SSUH2: variants seen among roughly 807,000 people sequenced by gnomAD.
The protein encoded by SSUH2 is ssu-2 homolog, also known as protein SSUH2 homolog.
SSUH2 carries 47 observed loss-of-function variants against 55.3 expected under a neutral mutation model. The ratio of observed to expected loss-of-function variants is 0.85; its 90% CI spans 0.67 to 1.08. SSUH2 has a LOEUF of 1.08. SSUH2 is among the 50% of genes least tolerant of loss of function. SSUH2 has a pLI of 0.00. For missense variants in SSUH2, 535 were observed against 490.7 expected, an observed-to-expected ratio of 1.09 and a Z score of -0.85; for synonymous variants, 212 against 191.5, an observed-to-expected ratio of 1.11 and a Z score of -0.89.
chr3:8,645,725 CA>C (rs1261055996), upstream of SSUH2, among the ~76,000 whole-genome samples: 1 of 152,140 alleles, frequency 6.6e-6, no homozygotes, highest in Middle Eastern at 3.2e-3. Flanking sequence ...TTGCCTTCAC[CA>C]GGGGAAGCAT....
chr3:8,622,593 C>T (rs889591331), intron 11 of SSUH2, among the ~76,000 whole-genome samples: 2 of 152,196 alleles, frequency 1.3e-5, no homozygotes, highest in Non-Finnish European at 2.9e-5. Flanking sequence ...TACTGCCTGG[C>T]CCTGGTAGGC....
chr3:8,650,758 T>C (rs1267027908), intron 7 of SSUH2, among the ~76,000 whole-genome samples: 1 of 152,192 alleles, frequency 6.6e-6, no homozygotes, highest in Non-Finnish European at 1.5e-5. Context: ...GTTGGAAAAC[T>C]GACCAGTGAC....
At chr3:8,629,748 G>GTTTCTAGTTTCTAGTTTCTT (rs1280693088) in intron 6 of SSUH2, 22 bp from the exon 7 acceptor site, 5 of 1,613,508 alleles carry the variant, frequency 3.1e-6, no homozygotes, top group Non-Finnish European at 4.2e-6. Flanking sequence ...ACGCTTTCTT[G>GTTTCTAGTTTCTAGTTTCTT]GGATCTAGTT....
intron 6 of SSUH2, among the ~76,000 whole-genome samples, chr3:8,661,513 A>T (rs1703485106): frequency 6.6e-6 from 1 of 152,166 alleles, no homozygotes; most frequent in Non-Finnish European, 1.5e-5. Flanking sequence ...AGGCAATGAG[A>T]TTTTACCCTA....
At chr3:8,669,216 C>T (rs1293260384) in intron 5 of SSUH2, among the ~76,000 whole-genome samples, 3 of 152,200 alleles carry the variant, frequency 2.0e-5, no homozygotes, top group African/African-American at 7.2e-5. Context: ...TAAAAGGACA[C>T]AGGAGCCAAC....
chr3:8,653,512 G>T (rs1026663203), intron 7 of SSUH2, among the ~76,000 whole-genome samples: 8 of 152,156 alleles, frequency 5.3e-5, no homozygotes, highest in African/African-American at 1.9e-4. Context: ...ATACAATATG[G>T]ATATCTTTCT....
At chr3:8,679,040 A>T (rs1387571596) in intron 2 of SSUH2, among the ~76,000 whole-genome samples, 1 of 61,556 alleles carries the variant, frequency 1.6e-5, no homozygotes, top group African/African-American at 5.5e-5. Context: ...CTCTTAGGAC[A>T]CCAAACGCAG....
At chr3:8,671,080 G>C in exon 5 of SSUH2, 1 of 313,702 alleles carries the variant, frequency 3.2e-6, no homozygotes, top group Non-Finnish European at 7.2e-6. Flanking sequence ...GAAATGACTA[G>C]TGAAGTCCCG....
chr3:8,629,732 A>C lies in SSUH2; in HGVS notation c.526-6T>G, dbSNP rs766017752. 1.1e-5 allele frequency: 18 copies of C among 1,614,060 alleles called. No homozygotes were observed. The Admixed American group carries it at 3.0e-4, about 27-fold the overall frequency. On this transcript the variant is annotated splice_polypyrimidine_tract_variant and splice_region_variant and intron_variant, in intron 6 of 11. Coordinates refer to ENST00000544814, the MANE Select transcript of SSUH2 (RefSeq NM_001256748.3). ...CCATGGCATTTGTGGCATTCCTGAA[A>C]GTGCAACGCTTTCTTGGGATCTAGT...
At chr3:8,650,139 C>T (rs919061644) in intron 7 of SSUH2, among the ~76,000 whole-genome samples, 28 of 152,192 alleles carry the variant, frequency 1.8e-4, no homozygotes, top group Non-Finnish European at 2.8e-4. Flanking sequence ...AAATGTCACT[C>T]TCCCAGGGAG....
At chr3:8,629,594 G>T in intron 7 of SSUH2, 70 bp downstream of exon 7, 1 of 1,043,602 alleles carries the variant, frequency 9.6e-7, no homozygotes, top group Non-Finnish European at 1.4e-6. Flanking sequence ...CACCAGCCCA[G>T]CCCGCTGTCC....
At chr3:8,654,473 T>C (rs1242940954) in intron 7 of SSUH2, among the ~76,000 whole-genome samples, 1 of 152,218 alleles carries the variant, frequency 6.6e-6, no homozygotes, top group Non-Finnish European at 1.5e-5. Context: ...CATTCTCCTC[T>C]CAATAGACAC....
chr3:8,631,908 T>A (rs574062805), intron 5 of SSUH2, 141 bp downstream of exon 5: 1 of 645,434 alleles, frequency 1.5e-6, no homozygotes, highest in South Asian at 1.9e-5. Context: ...ATCCTCTCAT[T>A]TTGCAGGGGG....
At chr3:8,681,711 G>T (rs746364289) in intron 1 of SSUH2, among the ~76,000 whole-genome samples, 1 of 148,622 alleles carries the variant, frequency 6.7e-6, no homozygotes, top group Non-Finnish European at 1.5e-5. Flanking sequence ...CCATCGCAGC[G>T]GGGGGAGGCA....
At chr3:8,647,621 T>C (rs1701869888), upstream of SSUH2, among the ~76,000 whole-genome samples, 1 of 152,172 alleles carries the variant, frequency 6.6e-6, no homozygotes, top group South Asian at 2.1e-4. Flanking sequence ...AAGCCGGCTA[T>C]TGCTCAGCTC....
intron 7 of SSUH2, among the ~76,000 whole-genome samples, chr3:8,650,145 G>A (rs1231465421): frequency 6.6e-6 from 1 of 152,110 alleles, no homozygotes; most frequent in Admixed American, 6.5e-5. Flanking sequence ...CACTCTCCCA[G>A]GGAGGCTGTC....
At chr3:8,672,868 G>A (rs527366303) in intron 3 of SSUH2, among the ~76,000 whole-genome samples, 17 of 152,062 alleles carry the variant, frequency 1.1e-4, no homozygotes, top group African/African-American at 3.9e-4. Flanking sequence ...CCATCCTCTG[G>A]AGATGATATT....
At chr3:8,645,976 A>G (rs1291393324), upstream of SSUH2, among the ~76,000 whole-genome samples, 1 of 152,166 alleles carries the variant, frequency 6.6e-6, no homozygotes, top group Non-Finnish European at 1.5e-5. Context: ...TGGTAGGAGC[A>G]CTGGATTTCT....
intron 9 of SSUH2, 82 bp from the exon 10 acceptor site, chr3:8,625,729 G>T (rs776087552): frequency 2.2e-5 from 21 of 966,474 alleles, no homozygotes; most frequent in Non-Finnish European, 3.3e-5. Context: ...CAGACCTGGG[G>T]TTGAGGGCTT....
Sources: allele counts gnomAD v4.1 joint callset (sites outside exome capture counted in the v4.1 genomes callset), GRCh38; gene constraint gnomAD v4.1.1; transcripts MANE v1.5; gene names NCBI Gene and HGNC (gene_info 2026-07-23, HGNC 2026-07-21).